The following PTPRD variants were observed in gnomAD, a reference collection of about 807,000 sequenced individuals.
PTPRD encodes the protein receptor-type tyrosine-protein phosphatase delta.
PTPRD carries 34 observed loss-of-function variants against 214.5 expected under a neutral mutation model. That is an observed-to-expected ratio of 0.16 (90% CI 0.12 to 0.21). The LOEUF is 0.21. PTPRD is among the 10% of genes least tolerant of loss of function. The probability of loss-of-function intolerance (pLI) is 1.00; values close to 1 mark genes in which losing one functional copy is unlikely to be tolerated. For synonymous variants in PTPRD, 1,128 were observed against 845.7 expected (o/e 1.33, Z -5.79); for missense variants, 2,545 against 2,398.7 (o/e 1.06, Z -1.27).
chr9:9,258,397 T>C lies in PTPRD; in HGVS notation c.-202-75034A>G, dbSNP rs552684541. ...TAATCTGTATTGCTGTTCTGGTTAG[T>C]TTTTCATTTAATTCATTGCACGCTT... is the stretch of plus-strand genomic sequence containing the variant. On this transcript the variant is annotated intron_variant, in intron 9 of 45. Transcript: ENST00000381196. Among the ~76,000 whole-genome samples, 24 of 151,894 alleles carry C rather than the reference T, an allele frequency of 1.6e-4. No individual in the cohort carries two copies. In the South Asian group the frequency reaches 4.8e-3, roughly 30 times the overall value.
rs190878363 is a variant in PTPRD at position 9,568,972 on chromosome 9, A to G, written c.-237+5760T>C. Among the ~76,000 whole-genome samples the G allele has an allele frequency of 9.9e-5, 15 of 151,980 alleles. 1 individual carries two copies. The East Asian group carries it at 2.3e-3, about 24-fold the overall frequency. On this transcript the variant is annotated intron_variant, in intron 8 of 45. Coordinates refer to ENST00000381196, the MANE Select transcript of PTPRD (RefSeq NM_002839.4). ...TTGAATAAAATAATGGGTATCTACA[A>G]TAAGGAGTTGTGAATAAAAGAGAGA...
chr9:9,632,649 T>C (rs2095630154), intron 7 of PTPRD, among the ~76,000 whole-genome samples: 7 of 152,060 alleles, frequency 4.6e-5, no homozygotes, highest in Admixed American at 4.6e-4. Context: ...AAATGTTGGT[T>C]TGCTTCATTT....
intron 12 of PTPRD, chr9:8,713,780 G>T (rs1335031289): frequency 2.6e-6 from 4 of 1,538,026 alleles, no homozygotes; most frequent in Non-Finnish European, 3.5e-6. Context: ...CTGCCCCACC[G>T]GGTCCTGCGC....
intron 2 of PTPRD, among the ~76,000 whole-genome samples, chr9:10,363,210 T>A (rs569526590): frequency 5.1e-4 from 78 of 152,352 alleles, no homozygotes; most frequent in African/African-American, 1.7e-3. Flanking sequence ...GGTTCTTGAA[T>A]GAGGCCTGAA....
intron 5 of PTPRD, among the ~76,000 whole-genome samples, chr9:9,806,616 A>G (rs1027028952): frequency 2.6e-5 from 4 of 152,016 alleles, no homozygotes; most frequent in African/African-American, 9.7e-5. Context: ...ACCACCCTTT[A>G]CTGACTCCTT....
At chr9:10,099,036 C>A (rs1249116281) in intron 3 of PTPRD, among the ~76,000 whole-genome samples, 1 of 151,706 alleles carries the variant, frequency 6.6e-6, no homozygotes, top group Non-Finnish European at 1.5e-5. Context: ...TTCTAAGCTG[C>A]GCTCAGTTAC....
chr9:10,151,551 G>A (rs987942896), intron 3 of PTPRD, among the ~76,000 whole-genome samples: 34 of 151,672 alleles, frequency 2.2e-4, no homozygotes, highest in African/African-American at 6.8e-4. Context: ...GTGAGCCACC[G>A]TGCCCAATCT....
At chr9:9,455,613 T>C (rs2092879997) in intron 8 of PTPRD, among the ~76,000 whole-genome samples, 1 of 151,602 alleles carries the variant, frequency 6.6e-6, no homozygotes. Context: ...GGTGAATCAT[T>C]TAAGCCTAAA....
intron 39 of PTPRD, among the ~76,000 whole-genome samples, chr9:8,359,957 G>T (rs924090466): frequency 1.1e-4 from 16 of 152,072 alleles, no homozygotes; most frequent in Non-Finnish European, 2.4e-4. Context: ...TCCTCCCATT[G>T]CTTACTGCAC....
At chr9:10,560,747 T>A (rs2063751961) in intron 2 of PTPRD, among the ~76,000 whole-genome samples, 1 of 152,140 alleles carries the variant, frequency 6.6e-6, no homozygotes, top group African/African-American at 2.4e-5. Context: ...TTAAATGACA[T>A]TTAAATGAAG....
intron 10 of PTPRD, among the ~76,000 whole-genome samples, chr9:9,049,402 C>A (rs1367067719): frequency 6.6e-6 from 1 of 152,234 alleles, no homozygotes. Context: ...AGTTAACCAA[C>A]CTCTTTATTT....
At chr9:8,674,080 G>A (rs1444932164) in intron 12 of PTPRD, among the ~76,000 whole-genome samples, 1 of 152,140 alleles carries the variant, frequency 6.6e-6, no homozygotes, top group East Asian at 1.9e-4. Flanking sequence ...GAATAAAGAT[G>A]TGATAAATAT....
chr9:9,680,040 T>A (rs144200500), intron 7 of PTPRD, among the ~76,000 whole-genome samples: 2 of 152,056 alleles, frequency 1.3e-5, no homozygotes, highest in African/African-American at 4.8e-5. Flanking sequence ...TATTTCTCTT[T>A]GAAATTTTCT....
At chr9:9,514,547 G>T (rs2096788622) in intron 8 of PTPRD, among the ~76,000 whole-genome samples, 1 of 152,040 alleles carries the variant, frequency 6.6e-6, no homozygotes. Context: ...GAGTTCTTGG[G>T]TGATTAATGT....
At chr9:9,659,099 CA>C (rs2096575235) in intron 7 of PTPRD, among the ~76,000 whole-genome samples, 1 of 152,034 alleles carries the variant, frequency 6.6e-6, no homozygotes, top group Admixed American at 6.6e-5. Context: ...TACATAAAAA[CA>C]GTTGCTTTTT....
At position 9,262,558 on chromosome 9, in the gene PTPRD, C is replaced by A. The variant is rs116107172; in HGVS notation, c.-202-79195G>T. On this transcript the variant is annotated intron_variant, in intron 9 of 45. Coordinates refer to ENST00000381196, the MANE Select transcript of PTPRD (RefSeq NM_002839.4). ...ATTGTCCAAGATATGCCTTTTTATACAGAAATGGGCTACAAAATTGACCTC... is the reference window on the plus strand; with the variant it reads ...ATTGTCCAAGATATGCCTTTTTATAAAGAAATGGGCTACAAAATTGACCTC... 5.2e-3 allele frequency among the ~76,000 whole-genome samples: 792 copies of A among 151,106 alleles called. 6 individuals are homozygous for A. The highest frequency in any genetic ancestry group is 0.018 in the African/African-American group (757 of 41,258).
chr9:9,634,286 A>C (rs2095685480), intron 7 of PTPRD, among the ~76,000 whole-genome samples: 1 of 152,182 alleles, frequency 6.6e-6, no homozygotes, highest in African/African-American at 2.4e-5. Context: ...GGAGTCTGGT[A>C]AATAATAGCT....
At chr9:10,383,569 C>A (rs1414429363) in intron 2 of PTPRD, among the ~76,000 whole-genome samples, 1 of 151,626 alleles carries the variant, frequency 6.6e-6, no homozygotes, top group Non-Finnish European at 1.5e-5. Flanking sequence ...TTTTAACTCA[C>A]TTTTCTTTTT....
intron 11 of PTPRD, among the ~76,000 whole-genome samples, chr9:8,736,993 C>G (rs1042499794): frequency 6.6e-6 from 1 of 152,188 alleles, no homozygotes; most frequent in African/African-American, 2.4e-5. Flanking sequence ...GACATCAGTC[C>G]TGTCGGACTC....
Sources: gnomAD v4.1 joint callset for allele counts (sites outside exome capture counted in the v4.1 genomes callset) on GRCh38, gnomAD v4.1.1 for gene constraint, MANE v1.5 for transcripts, NCBI Gene and HGNC (gene_info 2026-07-23, HGNC 2026-07-21) for gene names.